The following NTNG1 variants were observed in gnomAD, a reference collection of about 807,000 sequenced individuals.
NTNG1 encodes netrin G1.
NTNG1 carries 16 observed loss-of-function variants against 54.0 expected under a neutral mutation model. The observed-to-expected ratio is 0.30, with a 90% CI of 0.20 to 0.45. NTNG1 has a LOEUF of 0.45. NTNG1 is among the 20% of genes least tolerant of loss of function. NTNG1 has a pLI of 1.00. For missense variants in NTNG1, 530 were observed against 678.7 expected (o/e 0.78, Z 2.43); for synonymous variants, 255 against 263.1 (o/e 0.97, Z 0.30).
chr1:107,141,616 G>A (rs943731457), intron 1 of NTNG1, among the ~76,000 whole-genome samples: 4 of 152,192 alleles, frequency 2.6e-5, no homozygotes, highest in African/African-American at 9.6e-5. Context: ...TTTGTAAAGC[G>A]CCCCGAGGAG....
intron 2 of NTNG1, among the ~76,000 whole-genome samples, chr1:107,152,021 C>CAT (rs764536430): frequency 2.5e-4 from 37 of 150,594 alleles, no homozygotes; most frequent in South Asian, 1.9e-3. Flanking sequence ...CACACACATA[C>CAT]ATATATATAT....
In NTNG1 at chr1:107,431,368, A is replaced by G. The variant is rs17019028; in HGVS notation, c.1255+451A>G. On this transcript the variant is annotated intron_variant, in intron 6 of 7. Transcript: ENST00000370068. ...ATTGGTGATCAACGAGTATTGATAG[A>G]TTGAAAATGTTGCTATTTGAGATTG... Among the ~76,000 whole-genome samples, 870 of 152,292 alleles carry G rather than the reference A, an allele frequency of 5.7e-3. 12 individuals carry two copies. Among genetic ancestry groups the G allele is most frequent in the African/African-American group, 0.02 (831 of 41,560 alleles).
chr1:107,441,377 G>A (rs1675955465), intron 7 of NTNG1, among the ~76,000 whole-genome samples: 1 of 151,270 alleles, frequency 6.6e-6, no homozygotes, highest in South Asian at 2.1e-4. Context: ...GTTAACTTGT[G>A]TGAATACTAA....
intron 2 of NTNG1, among the ~76,000 whole-genome samples, chr1:107,220,530 T>A (rs1459167325): frequency 6.6e-6 from 1 of 152,266 alleles, no homozygotes; most frequent in African/African-American, 2.4e-5. Context: ...CACATATGCA[T>A]GGCATAGAGG....
chr1:107,178,470 T>C (rs952666465), intron 2 of NTNG1, among the ~76,000 whole-genome samples: 1 of 149,472 alleles, frequency 6.7e-6, no homozygotes, highest in Admixed American at 6.7e-5. Context: ...ACCACCTGGG[T>C]TTTTTTTTTC....
chr1:107,353,355 C>T (rs1669744106), intron 3 of NTNG1, among the ~76,000 whole-genome samples: 1 of 152,184 alleles, frequency 6.6e-6, no homozygotes, highest in African/African-American at 2.4e-5. Context: ...CCTAAATCTT[C>T]ATTCTCAAGT....
intron 7 of NTNG1, chr1:107,460,311 A>G (rs1443976001): frequency 9.9e-6 from 5 of 502,908 alleles, no homozygotes; most frequent in Non-Finnish European, 2.0e-5. Context: ...CTCATTTACC[A>G]TGACATCGCT....
chr1:107,247,014 C>T (rs935886381), intron 2 of NTNG1, among the ~76,000 whole-genome samples: 17 of 152,148 alleles, frequency 1.1e-4, no homozygotes, highest in African/African-American at 1.9e-4. Flanking sequence ...AGAAACCCAG[C>T]GGATTCGGAG....
At chr1:107,388,582 G>C (rs1470360967) in intron 3 of NTNG1, among the ~76,000 whole-genome samples, 1 of 152,200 alleles carries the variant, frequency 6.6e-6, no homozygotes, top group Non-Finnish European at 1.5e-5. Flanking sequence ...AATGCAAAAA[G>C]CAATGAGCAC....
At chr1:107,474,307 C>T (rs531889693) in intron 7 of NTNG1, among the ~76,000 whole-genome samples, 1 of 152,268 alleles carries the variant, frequency 6.6e-6, no homozygotes, top group East Asian at 1.9e-4. Context: ...CTGAGGTAAA[C>T]CCACAGAGCA....
At chr1:107,463,422 T>C (rs1677401603) in intron 7 of NTNG1, among the ~76,000 whole-genome samples, 1 of 152,200 alleles carries the variant, frequency 6.6e-6, no homozygotes. Context: ...AAAATCCATT[T>C]ATCCTGAGAT....
chr1:107,480,430 G>C (rs1678613054), intron 7 of NTNG1, among the ~76,000 whole-genome samples, 181 bp from the exon 8 acceptor site: 1 of 152,104 alleles, frequency 6.6e-6, no homozygotes, highest in African/African-American at 2.4e-5. Context: ...AACAAAGGCA[G>C]AAAACTACAT....
chr1:107,436,838 A>G (rs1369463315), intron 7 of NTNG1, 39 bp downstream of exon 7: 5 of 1,604,566 alleles, frequency 3.1e-6, no homozygotes, highest in South Asian at 1.1e-5. Flanking sequence ...CTGCTGCAGC[A>G]TGGCTGATTT....
upstream of NTNG1, chr1:107,140,818 A>G (rs1221026585): frequency 2.0e-5 from 3 of 152,238 alleles, no homozygotes; most frequent in East Asian, 5.8e-4. Flanking sequence ...AATATCCCTC[A>G]GTAAAAGTTT....
At chr1:107,153,420 A>G (rs1452421090) in intron 2 of NTNG1, among the ~76,000 whole-genome samples, 1 of 152,214 alleles carries the variant, frequency 6.6e-6, no homozygotes, top group Non-Finnish European at 1.5e-5. Context: ...TTCACATGAA[A>G]CATAATTCAG....
intron 2 of NTNG1, among the ~76,000 whole-genome samples, chr1:107,185,387 C>T (rs546503234): frequency 1.3e-5 from 2 of 152,200 alleles, no homozygotes; most frequent in Admixed American, 1.3e-4. Flanking sequence ...CCTTGGCTTG[C>T]AGCTGCATCA....
At chr1:107,376,383 G>A (rs947350502) in intron 3 of NTNG1, among the ~76,000 whole-genome samples, 19 of 150,770 alleles carry the variant, frequency 1.3e-4, no homozygotes, top group African/African-American at 4.6e-4. Flanking sequence ...ACTCCAGCCT[G>A]GGTGACAGAG....
At chr1:107,187,448 A>G (rs1485353759) in intron 2 of NTNG1, among the ~76,000 whole-genome samples, 1 of 152,174 alleles carries the variant, frequency 6.6e-6, no homozygotes, top group African/African-American at 2.4e-5. Flanking sequence ...TTGGCTTACA[A>G]GATCTCTGAA....
intron 2 of NTNG1, among the ~76,000 whole-genome samples, chr1:107,166,426 T>C (rs1009341143): frequency 6.6e-4 from 100 of 152,292 alleles, no homozygotes; most frequent in African/African-American, 2.4e-3. Flanking sequence ...CTTCGCTTCA[T>C]CTCTCTATAA....
Sources: gnomAD v4.1 joint callset for allele counts (sites outside exome capture counted in the v4.1 genomes callset) on GRCh38, gnomAD v4.1.1 for gene constraint, MANE v1.5 for transcripts, NCBI Gene and HGNC (gene_info 2026-07-23, HGNC 2026-07-21) for gene names.